WDR25: variants seen among roughly 807,000 people sequenced by gnomAD.
The protein encoded by WDR25 is WD repeat-containing protein 25.
WDR25 carries 35 observed loss-of-function variants against 47.7 expected under a neutral mutation model. That is an observed-to-expected ratio of 0.73 (90% CI 0.56 to 0.97). The LOEUF is 0.97. Among genes scored for constraint, WDR25 ranks in the 50% least tolerant of loss-of-function variants. The pLI, the probability that WDR25 is intolerant of heterozygous loss-of-function variation, is 0.00. For synonymous variants in WDR25, 248 were observed against 278.9 expected (o/e 0.89, Z 1.10); for missense variants, 634 against 704.7 (o/e 0.90, Z 1.14).
At chr14:100,507,622 C>T (rs1375946667) in intron 4 of WDR25, among the ~76,000 whole-genome samples, 1 of 145,988 alleles carries the variant, frequency 6.8e-6, no homozygotes, top group Admixed American at 6.8e-5. Context: ...CTTTCACCTT[C>T]TTGGTTAGAT....
intron 3 of WDR25, among the ~76,000 whole-genome samples, chr14:100,470,098 A>G (rs550304188): frequency 1.3e-5 from 2 of 152,362 alleles, no homozygotes; most frequent in South Asian, 4.1e-4. Flanking sequence ...GGAGGAAGTG[A>G]AACCTGAGCT....
In WDR25 at chr14:100,484,173, G is replaced by A. The variant is rs927449691; in HGVS notation, c.1101+49G>A. 3.8e-6 allele frequency: 6 copies of A among 1,570,178 alleles called. No homozygotes were observed. The African/African-American group carries it at 4.1e-5, about 11-fold the overall frequency. On this transcript the variant is annotated intron_variant, in intron 4 of 6. Coordinates refer to ENST00000402312, the MANE Select transcript of WDR25 (RefSeq NM_001161476.3). ...GCCTTTCCACAGGAGAGCTTGTTTCGACAATTTGAATAATTGGGGGCAGGT... is the reference window on the plus strand; with the variant it reads ...GCCTTTCCACAGGAGAGCTTGTTTCAACAATTTGAATAATTGGGGGCAGGT...
At chr14:100,521,174 A>G (rs1461469933) in intron 4 of WDR25, among the ~76,000 whole-genome samples, 1 of 149,868 alleles carries the variant, frequency 6.7e-6, no homozygotes, top group Non-Finnish European at 1.5e-5. Context: ...ACAGACACAC[A>G]CATAGACACA....
intron 2 of WDR25, among the ~76,000 whole-genome samples, chr14:100,410,979 C>T (rs35149083): frequency 3.3e-5 from 5 of 151,856 alleles, no homozygotes; most frequent in East Asian, 1.9e-4. Context: ...AATGGAGTCT[C>T]GTCATGTTGC....
rs1039727582 is a variant in WDR25 at position 100,525,677 on chromosome 14, G to C, written c.1102-193G>C. Among the ~76,000 whole-genome samples, 1 of 152,204 alleles carries C rather than the reference G, an allele frequency of 6.6e-6. No individual in the cohort carries two copies. The highest frequency in any genetic ancestry group is 6.5e-5 in the Admixed American group (1 of 15,270). ...GAGCAGGGGGGCTGAGAAGCTGACA[G>C]ACACTGGACTGGGCATGGGGCAGGA... is the stretch of plus-strand genomic sequence containing the variant. On this transcript the variant is annotated intron_variant, in intron 4 of 6. Transcript: ENST00000402312. This position sits in a 1 kb window ranked among gnomAD's most constrained non-coding sequence, Gnocchi z 4.6.
Position 100,530,038 on chromosome 14 carries a change from C to T in WDR25, c.1632C>T (p.His544=), listed in dbSNP as rs762180987. Residue 544 remains histidine, a synonymous_variant, in exon 7 of 7, where the codon CAC becomes CAT. Transcript: ENST00000402312. ...CSWGGDMKIW[H] ...GGGGAGGGGACATGAAGATCTGGCA[C>T]TGAGCTTTTTGTCACTGAACCTTCC... is the stretch of plus-strand genomic sequence containing the variant. The T allele has an allele frequency of 1.2e-6, 2 of 1,609,894 alleles. No homozygotes were observed. Among genetic ancestry groups the T allele is most frequent in the East Asian group, 2.2e-5 (1 of 44,784 alleles).
At chr14:100,484,199 C>A in intron 4 of WDR25, 75 bp downstream of exon 4, 1 of 1,532,080 alleles carries the variant, frequency 6.5e-7, no homozygotes, top group South Asian at 1.3e-5. Flanking sequence ...GGGGGCAGGT[C>A]AGCATCTATA....
intron 2 of WDR25, among the ~76,000 whole-genome samples, chr14:100,439,982 C>T (rs1163638339): frequency 1.3e-5 from 2 of 152,154 alleles, no homozygotes; most frequent in African/African-American, 4.8e-5. Context: ...CCCTGACTTC[C>T]AGTGCATGTT....
At position 100,525,519 on chromosome 14, in the gene WDR25, C is replaced by G. The variant is rs571538565; in HGVS notation, c.1102-351C>G. ...AAGCAGGACCCACTCAAAGCATGAC[C>G]CCAGTGTTGATGGATGTCAATATGC... On this transcript the variant is annotated intron_variant, in intron 4 of 6. Transcript: ENST00000402312. This position sits in a 1 kb window ranked among gnomAD's most constrained non-coding sequence, Gnocchi z 4.6. Among the ~76,000 whole-genome samples the G allele has an allele frequency of 4.6e-5, 7 of 152,140 alleles. No homozygotes were observed. The highest frequency in any genetic ancestry group is 1.4e-4 in the African/African-American group (6 of 41,416).
At chr14:100,505,390 A>G (rs926435877) in intron 4 of WDR25, among the ~76,000 whole-genome samples, 7 of 152,176 alleles carry the variant, frequency 4.6e-5, no homozygotes, top group East Asian at 1.9e-4. Flanking sequence ...TGGAAAATCA[A>G]TTTGCCACAT....
chr14:100,418,562 G>A (rs1360053607), intron 2 of WDR25, among the ~76,000 whole-genome samples: 1 of 151,578 alleles, frequency 6.6e-6, no homozygotes, highest in African/African-American at 2.4e-5. Context: ...GCTTGAACCC[G>A]GGAGGTAGAG....
rs1357036858 is a variant in WDR25, at chr14:100,523,609, A to AC, written c.1102-2257dup. 6.6e-6 allele frequency among the ~76,000 whole-genome samples: 1 copy of AC among 151,866 alleles called. No individual in the cohort carries two copies. The highest frequency in any genetic ancestry group is 1.5e-5 in the Non-Finnish European group (1 of 67,960). On this transcript the variant is annotated intron_variant, in intron 4 of 6. Transcript: ENST00000402312. This position sits in a 1 kb window ranked among gnomAD's most constrained non-coding sequence, Gnocchi z 4.7. ...GATTGGAGCCCAGTGACCACCCCCA[A>AC]CCCCGTGCACTCTGGAAGTGGCAGG...
intron 2 of WDR25, among the ~76,000 whole-genome samples, chr14:100,445,831 C>T (rs1030394775): frequency 5.9e-5 from 9 of 152,292 alleles, no homozygotes; most frequent in Non-Finnish European, 1.0e-4. Context: ...ACTCAGGCAT[C>T]GGCCATCCTT....
chr14:100,477,203 CG>C (rs1177352887), intron 3 of WDR25, among the ~76,000 whole-genome samples: 2 of 152,106 alleles, frequency 1.3e-5, no homozygotes, highest in Non-Finnish European at 2.9e-5. Context: ...CACAGTCATA[CG>C]GGGGTGGAAG....
chr14:100,390,079 C>T (rs1338785679), intron 2 of WDR25, among the ~76,000 whole-genome samples: 1 of 152,128 alleles, frequency 6.6e-6, no homozygotes, highest in Non-Finnish European at 1.5e-5. Flanking sequence ...TTTCTGCTGT[C>T]ATAAACTTTC....
At chr14:100,400,843 T>C (rs942736040) in intron 2 of WDR25, among the ~76,000 whole-genome samples, 4 of 152,208 alleles carry the variant, frequency 2.6e-5, no homozygotes, top group African/African-American at 9.7e-5. Context: ...TCCATCCAGT[T>C]GCTATGACTT....
rs150812136 is a variant in WDR25 at position 100,399,028 on chromosome 14, G to T, written c.822+17282G>T. 2.0e-5 allele frequency among the ~76,000 whole-genome samples: 3 copies of T among 151,872 alleles called. No homozygotes were observed. The East Asian group carries it at 5.8e-4, about 30-fold the overall frequency. ...AGCACTCACTTATAAAGTGCCATTA[G>T]TGACTTGTCCTTAATGGTAGCTGTT... On this transcript the variant is annotated intron_variant, in intron 2 of 6. Coordinates refer to ENST00000402312, the MANE Select transcript of WDR25 (RefSeq NM_001161476.3).
chr14:100,385,440 C>T (rs1896997413), intron 2 of WDR25, among the ~76,000 whole-genome samples: 3 of 152,280 alleles, frequency 2.0e-5, no homozygotes, highest in South Asian at 4.1e-4. Flanking sequence ...AGGAGAAAAA[C>T]AACACAGTCC....
At chr14:100,413,150 AAAGGTAAATT>A (rs1897758588) in intron 2 of WDR25, among the ~76,000 whole-genome samples, 1 of 152,204 alleles carries the variant, frequency 6.6e-6, no homozygotes, top group African/African-American at 2.4e-5. Flanking sequence ...TAATTTTTAA[AAAGGTAAATT>A]AACTCTATGG....
Sources: gnomAD v4.1 joint callset for allele counts (sites outside exome capture counted in the v4.1 genomes callset) on GRCh38, gnomAD v4.1.1 for gene constraint, Gnocchi (gnomAD v3.1) non-coding constraint, MANE v1.5 for transcripts, NCBI Gene and HGNC (gene_info 2026-07-23, HGNC 2026-07-21) for gene names.